Variants in CCDC38 observed in about 807,000 individuals in gnomAD.
The protein encoded by CCDC38 is coiled-coil domain-containing protein 38.
Under a neutral mutation model 72.8 loss-of-function variants are expected in CCDC38, and 69 were observed. The ratio of observed to expected loss-of-function variants is 0.95; its 90% CI spans 0.78 to 1.16. The LOEUF (loss-of-function observed/expected upper bound fraction) is 1.16, where lower values mean the gene tolerates loss of function less well. Ranked by LOEUF, CCDC38 falls within the 50% of genes most tolerant of loss-of-function variation. The probability of loss-of-function intolerance (pLI) is 0.00; values close to 1 mark genes in which losing one functional copy is unlikely to be tolerated. For missense variants in CCDC38, 626 were observed against 638.9 expected (o/e 0.98, Z 0.22); for synonymous variants, 201 against 213.2 (o/e 0.94, Z 0.50).
chr12:95,924,581 T>A (rs2080247649), intron 2 of CCDC38, among the ~76,000 whole-genome samples: 2 of 150,870 alleles, frequency 1.3e-5, no homozygotes, highest in African/African-American at 4.9e-5. Context: ...TGGTTGCCAT[T>A]GCTTTTGGTG....
rs952961922 is a variant in CCDC38 at position 95,942,553 on chromosome 12, C to G, written c.-137G>C. On this transcript the variant is annotated 5_prime_UTR_variant, in exon 1 of 16. Coordinates refer to ENST00000344280, the MANE Select transcript of CCDC38 (RefSeq NM_182496.3). ...CTCTATCCTCCCCCAGCCCGGTTCC[C>G]GGTCATCTCAGGGACCGTCTGGTAG... The G allele has an allele frequency of 1.3e-5, 2 of 152,260 alleles. No individual in the cohort carries two copies. Among genetic ancestry groups the G allele is most frequent in the Non-Finnish European group, 2.9e-5 (2 of 68,078 alleles). The allele number at this position is 152,260 out of a possible 1,614,324, so 9.4% of individuals were successfully genotyped here.
intron 2 of CCDC38, among the ~76,000 whole-genome samples, chr12:95,929,463 C>T (rs1041321194): frequency 3.9e-5 from 6 of 152,260 alleles, no homozygotes; most frequent in South Asian, 2.1e-4. Context: ...GAGATGAACC[C>T]GGTACCTCAG....
chr12:95,906,568 C>A, intron 4 of CCDC38, 117 bp from the exon 5 acceptor site: 2 of 671,176 alleles, frequency 3.0e-6, no homozygotes, highest in Non-Finnish European at 5.0e-6. Context: ...TTTAAAAATA[C>A]TATATCTTGA....
chr12:95,874,467 T>A (rs996257136), intron 13 of CCDC38, among the ~76,000 whole-genome samples: 1 of 152,144 alleles, frequency 6.6e-6, no homozygotes, highest in Non-Finnish European at 1.5e-5. Context: ...GATATTTTCT[T>A]AATATAACAA....
intron 2 of CCDC38, among the ~76,000 whole-genome samples, chr12:95,925,686 A>G (rs2080262282): frequency 6.6e-6 from 1 of 152,184 alleles, no homozygotes; most frequent in Middle Eastern, 3.4e-3. Flanking sequence ...TTTGTCATAG[A>G]TAGCTCTTAT....
intron 15 of CCDC38, among the ~76,000 whole-genome samples, chr12:95,868,998 G>A (rs939606099): frequency 2.0e-5 from 3 of 152,112 alleles, no homozygotes; most frequent in Non-Finnish European, 4.4e-5. Flanking sequence ...ATTACTGAGT[G>A]AAAGAAGCCA....
chr12:95,867,883 A>G (rs1037643168), intron 15 of CCDC38, among the ~76,000 whole-genome samples: 1 of 152,166 alleles, frequency 6.6e-6, no homozygotes, highest in African/African-American at 2.4e-5. Flanking sequence ...TTGATGGGAC[A>G]TTGCCACTGT....
At chr12:95,929,068 C>G (rs942472372) in intron 2 of CCDC38, among the ~76,000 whole-genome samples, 7 of 152,190 alleles carry the variant, frequency 4.6e-5, no homozygotes, top group Admixed American at 4.6e-4. Flanking sequence ...GGGCTCCACC[C>G]AGTTCGAGCT....
chr12:95,886,158 AG>A (rs1376464654), intron 10 of CCDC38, among the ~76,000 whole-genome samples: 1 of 152,230 alleles, frequency 6.6e-6, no homozygotes, highest in Non-Finnish European at 1.5e-5. Flanking sequence ...ATCCAGAAAT[AG>A]CCCCCAACAA....
chr12:95,933,167 T>C (rs1348205438), intron 2 of CCDC38: 2 of 152,134 alleles, frequency 1.3e-5, no homozygotes, highest in African/African-American at 4.8e-5. Context: ...CAAAAAGTAG[T>C]AACTATACAA....
chr12:95,932,807 C>A (rs935542533), intron 2 of CCDC38, among the ~76,000 whole-genome samples: 1 of 152,056 alleles, frequency 6.6e-6, no homozygotes. Context: ...AACCAAGAGA[C>A]AAGAATAGTG....
intron 3 of CCDC38, 122 bp from the exon 4 acceptor site, chr12:95,917,416 A>G (rs562922679): frequency 1.3e-6 from 1 of 745,618 alleles, no homozygotes; most frequent in South Asian, 2.1e-5. Flanking sequence ...AAACAACCCC[A>G]GGTTCTTCTC....
intron 10 of CCDC38, among the ~76,000 whole-genome samples, chr12:95,886,816 G>A (rs979992164): frequency 6.6e-6 from 1 of 152,172 alleles, no homozygotes; most frequent in Non-Finnish European, 1.5e-5. Flanking sequence ...GAAGAAACTG[G>A]ACCCCACATA....
intron 2 of CCDC38, among the ~76,000 whole-genome samples, chr12:95,921,269 G>T (rs2080204603): frequency 6.6e-6 from 1 of 152,046 alleles, no homozygotes; most frequent in African/African-American, 2.4e-5. Context: ...TCTAACTCTT[G>T]GGATGTGGCA....
chr12:95,879,531 C>A lies in CCDC38; in HGVS notation c.1142+113G>T. ...CTCCACAATGTAAACTATTAAAAAC[C>A]CCAGCCTACATTCACAGAGACCACG... is the stretch of plus-strand genomic sequence containing the variant. On this transcript the variant is annotated intron_variant, in intron 12 of 15. Transcript: ENST00000344280. The surrounding 1 kb of genome is among the most constrained non-coding windows in gnomAD (Gnocchi z 5.5). 1.5e-6 allele frequency: 1 copy of A among 662,860 alleles called. No homozygotes were observed. The highest frequency in any genetic ancestry group is 2.5e-6 in the Non-Finnish European group (1 of 396,812). The allele number at this position is 662,860 out of a possible 1,614,324, so 41.1% of individuals were successfully genotyped here.
At chr12:95,898,011 G>A (rs911107280) in intron 7 of CCDC38, among the ~76,000 whole-genome samples, 6 of 151,960 alleles carry the variant, frequency 3.9e-5, no homozygotes, top group African/African-American at 1.4e-4. Context: ...TAAAATGTGG[G>A]GGAAAAAATG....
At chr12:95,883,335 A>C in intron 10 of CCDC38, among the ~76,000 whole-genome samples, 1 of 152,174 alleles carries the variant, frequency 6.6e-6, no homozygotes. Flanking sequence ...CCTTGGGACA[A>C]AGCACAGGCT....
intron 10 of CCDC38, chr12:95,885,168 A>G (rs1296122317): frequency 6.5e-6 from 1 of 153,030 alleles, no homozygotes; most frequent in Non-Finnish European, 1.5e-5. Flanking sequence ...AATCTGGAGC[A>G]ATGAAGACCT....
chr12:95,940,884 A>T (rs1418316026), intron 1 of CCDC38, among the ~76,000 whole-genome samples: 4 of 80,306 alleles, frequency 5.0e-5, no homozygotes, highest in African/African-American at 2.6e-4. Flanking sequence ...AAAAACAAAC[A>T]AACAAACAAA....
Sources: gnomAD v4.1 joint callset for allele counts (sites outside exome capture counted in the v4.1 genomes callset) on GRCh38, gnomAD v4.1.1 for gene constraint, Gnocchi (gnomAD v3.1) non-coding constraint, MANE v1.5 for transcripts, NCBI Gene and HGNC (gene_info 2026-07-23, HGNC 2026-07-21) for gene names.